Variants in AVL9 observed in about 807,000 individuals in gnomAD.
AVL9 encodes late secretory pathway protein AVL9 homolog.
A neutral mutation model predicts 79.2 loss-of-function variants in AVL9; 49 were observed. The ratio of observed to expected loss-of-function variants is 0.62; its 90% confidence interval spans 0.49 to 0.79. The LOEUF is 0.79. Ranked by LOEUF, AVL9 falls within the 30% of genes least tolerant of loss-of-function variation. The pLI, the probability that AVL9 is intolerant of heterozygous loss-of-function variation, is 0.00. For synonymous variants in AVL9, 299 were observed against 280.6 expected, an observed-to-expected ratio of 1.07 and a Z score of -0.65; for missense variants, 682 against 776.8, an observed-to-expected ratio of 0.88 and a Z score of 1.45.
chr7:32,558,408 G>A (rs914089622), intron 8 of AVL9, 151 bp from the exon 9 acceptor site: 17 of 523,436 alleles, frequency 3.2e-5, no homozygotes, highest in African/African-American at 1.6e-4. Context: ...CACCCACCCC[G>A]GCCTCCCAAA....
chr7:32,546,594 G>T (rs28766585), intron 3 of AVL9, among the ~76,000 whole-genome samples: 3,651 of 152,186 alleles, frequency 0.024, 160 homozygotes, highest in African/African-American at 0.082. Context: ...AGGCCAAGGC[G>T]GGCGGATCAC....
rs1791477621 is a variant in AVL9 at position 32,581,007 on chromosome 7, A to G, written c.1831+117A>G. 2.9e-5 allele frequency: 24 copies of G among 820,732 alleles called. No homozygotes were observed. The South Asian group carries it at 4.1e-4, about 14-fold the overall frequency. The allele number at this position is 820,732 out of a possible 1,614,324, so 50.8% of individuals were successfully genotyped here. A position where few individuals can be genotyped will look rare whatever the true frequency, so the allele number is the denominator to read the frequency against. ...GTAAAGATCTGTGTTATCACATAGTAATACAAGAGTTTTTTAAATTTTTGT... is the reference window on the plus strand; with the variant it reads ...GTAAAGATCTGTGTTATCACATAGTGATACAAGAGTTTTTTAAATTTTTGT... On this transcript the variant is annotated intron_variant, in intron 15 of 15. Coordinates refer to ENST00000318709, the MANE Select transcript of AVL9 (RefSeq NM_015060.3).
At chr7:32,583,765 C>T (rs756251736) in intron 15 of AVL9, 27 bp from the exon 16 acceptor site, 5 of 1,419,790 alleles carry the variant, frequency 3.5e-6, no homozygotes, top group Admixed American at 1.9e-5. Flanking sequence ...AGACATTTTT[C>T]CTTTTGTTTT....
At chr7:32,518,781 A>G (rs1788013961) in intron 1 of AVL9, among the ~76,000 whole-genome samples, 1 of 152,226 alleles carries the variant, frequency 6.6e-6, no homozygotes, top group African/African-American at 2.4e-5. Flanking sequence ...AATTTATAAA[A>G]ATGTTATGTG....
chr7:32,495,769 G>A lies in AVL9; in HGVS notation c.60G>A (p.Val20=), dbSNP rs1485342595. 2.4e-6 allele frequency: 3 copies of A among 1,260,620 alleles called. No individual in the cohort carries two copies. Among genetic ancestry groups the A allele is most frequent in the Middle Eastern group, 2.1e-4 (1 of 4,788 alleles). 78.1% of individuals were successfully genotyped at this position (1,260,620 alleles called of 1,614,324 possible). A position where few individuals can be genotyped will look rare whatever the true frequency, so the allele number is the denominator to read the frequency against. The part of the protein sequence containing the change: ...GVPRGPVLHI[V]VVGFHHKKGC... ...CCCGGGGGCCCGTACTGCACATCGT[G>A]GTGGTCGGATTTCACCACAAGAAGG... Residue 20 remains valine (V), a synonymous_variant, in exon 1 of 16, where the codon GTG becomes GTA. Coordinates refer to ENST00000318709, the MANE Select transcript of AVL9 (RefSeq NM_015060.3).
chr7:32,532,799 G>A (rs1364762022), intron 1 of AVL9: 2 of 152,172 alleles, frequency 1.3e-5, no homozygotes, highest in African/African-American at 4.8e-5. Context: ...CAGCCCTTTG[G>A]GAGACCAGGG....
Position 32,588,533 on chromosome 7 carries a change from A to T in AVL9, c.*4626A>T, listed in dbSNP as rs944705984. ...AAGTTTAACTGTGGCACATGTTTTG[A>T]TCAGAAAGGTAGTTCTCTTTGCTCT... is the stretch of plus-strand genomic sequence containing the variant. On this transcript the variant is annotated 3_prime_UTR_variant, in exon 16 of 16. Coordinates refer to ENST00000318709, the MANE Select transcript of AVL9 (RefSeq NM_015060.3). 6.6e-6 allele frequency: 1 copy of T among 152,212 alleles called. No individual in the cohort carries two copies. Among genetic ancestry groups the T allele is most frequent in the African/African-American group, 2.4e-5 (1 of 41,450 alleles). 9.4% of individuals were successfully genotyped at this position (152,212 alleles called of 1,614,324 possible).
chr7:32,534,238 T>C (rs538701079), intron 1 of AVL9: 1 of 152,322 alleles, frequency 6.6e-6, no homozygotes, highest in South Asian at 2.1e-4. Flanking sequence ...ATCTTGTAAA[T>C]CTAAAAATTA....
Position 32,567,103 on chromosome 7 carries a change from CTTTG to C in AVL9, c.1216-2905_1216-2902del, listed in dbSNP as rs553220127. 1.7e-3 allele frequency among the ~76,000 whole-genome samples: 266 copies of C among 152,072 alleles called. 1 individual carries two copies. Among genetic ancestry groups the C allele is most frequent in the African/African-American group, 5.7e-3 (235 of 41,494 alleles). ...CTCTTAAGTTTCATTTTATTTGTAACTTTGTTTGTTTGTTTTTGAGATAGAGTTT... is the reference window on the plus strand; with the variant it reads ...CTCTTAAGTTTCATTTTATTTGTAACTTTGTTTGTTTTTGAGATAGAGTTT... On this transcript the variant is annotated intron_variant, in intron 10 of 15. Coordinates refer to ENST00000318709, the MANE Select transcript of AVL9 (RefSeq NM_015060.3).
chr7:32,500,656 T>C (rs996038823), intron 1 of AVL9, among the ~76,000 whole-genome samples: 1 of 152,220 alleles, frequency 6.6e-6, no homozygotes, highest in Admixed American at 6.5e-5. Context: ...CAATTGCTTT[T>C]GGTGTTTTAG....
At chr7:32,565,977 CAA>C (rs70992730) in intron 10 of AVL9, among the ~76,000 whole-genome samples, 2 of 139,268 alleles carry the variant, frequency 1.4e-5, no homozygotes, top group African/African-American at 2.6e-5. Flanking sequence ...CACTGCACTC[CAA>C]AAAAAAAAAA....
At chr7:32,518,306 A>G (rs1404003559) in intron 1 of AVL9, among the ~76,000 whole-genome samples, 1 of 152,226 alleles carries the variant, frequency 6.6e-6, no homozygotes, top group African/African-American at 2.4e-5. Context: ...AATGACGACT[A>G]TTTGCAGTTT....
chr7:32,546,209 A>G (rs1170697430), intron 3 of AVL9, among the ~76,000 whole-genome samples: 1 of 152,010 alleles, frequency 6.6e-6, no homozygotes, highest in Admixed American at 6.6e-5. Flanking sequence ...CTAACTTGTT[A>G]TGAAGGAAAT....
rs1340404550 is a variant in AVL9 at position 32,587,378 on chromosome 7, T to TGTTA, written c.*3472_*3475dup. ...CATTATCACCCTGGCAGGTAGGTTT[T>TGTTA]GTTATTGTTTTACATTTTGTGAAAA... is the stretch of plus-strand genomic sequence containing the variant. On this transcript the variant is annotated 3_prime_UTR_variant, in exon 16 of 16. Coordinates refer to ENST00000318709, the MANE Select transcript of AVL9 (RefSeq NM_015060.3). 6.6e-6 allele frequency: 1 copy of TGTTA among 152,226 alleles called. No individual in the cohort carries two copies. The highest frequency in any genetic ancestry group is 1.5e-5 in the Non-Finnish European group (1 of 68,046). 9.4% of individuals were successfully genotyped at this position (152,226 alleles called of 1,614,324 possible).
rs1791536896 is a variant in AVL9 at position 32,582,107 on chromosome 7, T to C, written c.1831+1217T>C. 2.0e-5 allele frequency among the ~76,000 whole-genome samples: 3 copies of C among 152,212 alleles called. No individual in the cohort carries two copies. The South Asian group carries it at 6.2e-4, about 31-fold the overall frequency. ...TCTAAAATTTTTCATTCCTTTTCTA[T>C]ATTTTTAACTTTTTATTTTGATGTA... On this transcript the variant is annotated intron_variant, in intron 15 of 15. Coordinates refer to ENST00000318709, the MANE Select transcript of AVL9 (RefSeq NM_015060.3).
chr7:32,525,212 G>A (rs1788349398), intron 1 of AVL9, among the ~76,000 whole-genome samples: 1 of 152,108 alleles, frequency 6.6e-6, no homozygotes, highest in East Asian at 1.9e-4. Context: ...GTATATTTTT[G>A]TAAGCAAAAT....
In AVL9 at chr7:32,503,365, T is replaced by C. The variant is rs112773080; in HGVS notation, c.93+7563T>C. 1.8e-3 allele frequency among the ~76,000 whole-genome samples: 189 copies of C among 103,094 alleles called. 1 individual carries two copies. The highest frequency in any genetic ancestry group is 0.011 in the South Asian group (31 of 2,948). 67.6% of individuals were successfully genotyped at this position (103,094 alleles called of 152,430 possible). ...ATATAGATATAGATATAGAGAGATA[T>C]ATATATATACACACACACACACACA... On this transcript the variant is annotated intron_variant, in intron 1 of 15. Coordinates refer to ENST00000318709, the MANE Select transcript of AVL9 (RefSeq NM_015060.3).
intron 10 of AVL9, among the ~76,000 whole-genome samples, chr7:32,561,909 T>C (rs1310205675): frequency 1.3e-5 from 2 of 152,120 alleles, no homozygotes; most frequent in Non-Finnish European, 1.5e-5. Context: ...TCTCAGGGGA[T>C]AGGGAGGCCT....
At chr7:32,546,834 A>T (rs1789533380) in intron 3 of AVL9, among the ~76,000 whole-genome samples, 1 of 149,086 alleles carries the variant, frequency 6.7e-6, no homozygotes, top group Non-Finnish European at 1.5e-5. Flanking sequence ...AAAATAAAAA[A>T]AATAAAAAAT....
Sources: allele counts gnomAD v4.1 joint callset (sites outside exome capture counted in the v4.1 genomes callset), GRCh38; gene constraint gnomAD v4.1.1; transcripts MANE v1.5; gene names NCBI Gene and HGNC (gene_info 2026-07-23, HGNC 2026-07-21).